Variants in LAMA1 observed in about 807,000 individuals in gnomAD.
The protein encoded by LAMA1 is laminin subunit alpha-1.
LAMA1 carries 219 observed loss-of-function variants against 348.7 expected under a neutral mutation model. That is an observed-to-expected ratio of 0.63 (90% confidence interval 0.56 to 0.70). The LOEUF (loss-of-function observed/expected upper bound fraction) is 0.70, where lower values mean the gene tolerates loss of function less well. Among genes scored for constraint, LAMA1 ranks in the 30% least tolerant of loss-of-function variants. The probability of loss-of-function intolerance (pLI) is 0.00; values close to 1 mark genes in which losing one functional copy is unlikely to be tolerated. For missense variants in LAMA1, 3,744 were observed against 3,888.0 expected (o/e 0.96, Z 0.99); for synonymous variants, 1,487 against 1,491.0 (o/e 1.00, Z 0.06).
At chr18:7,035,427 ATTT>A (rs35171103) in intron 13 of LAMA1, among the ~76,000 whole-genome samples, 2 of 148,070 alleles carry the variant, frequency 1.4e-5, no homozygotes, top group East Asian at 2.0e-4. Flanking sequence ...TTTACTTAAA[ATTT>A]TTTTTTTTTT....
chr18:7,025,549 T>C (rs1476495645), intron 17 of LAMA1, among the ~76,000 whole-genome samples: 1 of 151,008 alleles, frequency 6.6e-6, no homozygotes, highest in Non-Finnish European at 1.5e-5. Flanking sequence ...TCCATAAATA[T>C]CTGTTGAATC....
chr18:7,097,543 T>C (rs74760289), intron 1 of LAMA1, among the ~76,000 whole-genome samples: 2,471 of 148,258 alleles, frequency 0.017, 76 homozygotes, highest in African/African-American at 0.059. Context: ...GCTGATACAA[T>C]TGGAAATACA....
At chr18:7,040,816 A>G in intron 9 of LAMA1, among the ~76,000 whole-genome samples, 1 of 152,216 alleles carries the variant, frequency 6.6e-6, no homozygotes, top group South Asian at 2.1e-4. Context: ...TGGTAATAAA[A>G]AGGGTTGAAA....
chr18:7,021,672 T>C (rs1488544251), intron 19 of LAMA1, among the ~76,000 whole-genome samples: 1 of 151,464 alleles, frequency 6.6e-6, no homozygotes, highest in East Asian at 1.9e-4. Flanking sequence ...AGATAGAATG[T>C]ATTATTAAAA....
chr18:7,012,655 G>C (rs1034899502), intron 23 of LAMA1, among the ~76,000 whole-genome samples: 12 of 150,464 alleles, frequency 8.0e-5, no homozygotes, highest in African/African-American at 2.4e-4. Context: ...ACAGGCGCCT[G>C]CCACCATGCC....
At chr18:6,975,296 C>T (rs1324167929) in intron 45 of LAMA1, among the ~76,000 whole-genome samples, 1 of 152,144 alleles carries the variant, frequency 6.6e-6, no homozygotes, top group Non-Finnish European at 1.5e-5. Context: ...ACAGAGTCCC[C>T]AGGAAAATTC....
At chr18:7,031,653 C>T (rs1175635604) in intron 16 of LAMA1, among the ~76,000 whole-genome samples, 7 of 136,050 alleles carry the variant, frequency 5.1e-5, no homozygotes, top group African/African-American at 2.5e-4. Flanking sequence ...CACACTCCAG[C>T]CTGGGTGACA....
intron 57 of LAMA1, among the ~76,000 whole-genome samples, chr18:6,952,454 C>T (rs887015119): frequency 2.6e-5 from 4 of 151,972 alleles, no homozygotes; most frequent in Admixed American, 1.3e-4. Context: ...CATGTGTGTG[C>T]GGGGGAATGT....
chr18:6,976,701 G>C (rs934929994), intron 44 of LAMA1, among the ~76,000 whole-genome samples: 3 of 151,858 alleles, frequency 2.0e-5, no homozygotes, highest in African/African-American at 4.8e-5. Context: ...TGAACTCCTA[G>C]GCTTGAGCAA....
intron 1 of LAMA1, among the ~76,000 whole-genome samples, chr18:7,106,920 G>C (rs562555784): frequency 1.3e-5 from 2 of 152,106 alleles, no homozygotes; most frequent in African/African-American, 2.4e-5. Context: ...TGATGTAGAA[G>C]CTGACCCCGC....
intron 1 of LAMA1, among the ~76,000 whole-genome samples, chr18:7,104,075 G>A (rs1255686237): frequency 6.6e-6 from 1 of 152,054 alleles, no homozygotes; most frequent in Non-Finnish European, 1.5e-5. Context: ...CGCCTCCTAG[G>A]TTCAAGCAAT....
chr18:7,050,598 T>G (rs897156349), intron 4 of LAMA1, 96 bp downstream of exon 4: 1 of 1,556,584 alleles, frequency 6.4e-7, no homozygotes, highest in Non-Finnish European at 8.8e-7. Context: ...GATAGTTATA[T>G]TAAAGATCTT....
intron 19 of LAMA1, among the ~76,000 whole-genome samples, chr18:7,018,918 G>A (rs924314838): frequency 3.9e-5 from 6 of 152,210 alleles, no homozygotes; most frequent in East Asian, 3.9e-4. Context: ...CAGGCTGGCC[G>A]TCTGTTTTCC....
rs182135333 is a variant in LAMA1 at position 7,024,360 on chromosome 18, A to T, written c.2489+20T>A. 6.3e-7 allele frequency: 1 copy of T among 1,597,912 alleles called. No homozygotes were observed. Among genetic ancestry groups the T allele is most frequent in the African/African-American group, 1.3e-5 (1 of 74,674 alleles). On this transcript the variant is annotated intron_variant, in intron 18 of 62. Coordinates refer to ENST00000389658, the MANE Select transcript of LAMA1 (RefSeq NM_005559.4). Reference sequence around the variant, plus strand: ...ATATTTAATTTCGAAAATGTGTTGAAGCCAGTGGATGCAGAGTACCTCTCA... The same window carrying T: ...ATATTTAATTTCGAAAATGTGTTGATGCCAGTGGATGCAGAGTACCTCTCA...
At position 7,009,254 on chromosome 18, in the gene LAMA1, C is replaced by T. The variant is rs748965785; in HGVS notation, c.3986G>A (p.Gly1329Glu). Residue 1329 changes from glycine to glutamate, a missense_variant, in exon 27 of 63, where the codon GGA becomes GAA. Gly to Glu is a moderately conservative substitution (Grantham distance 98). Around this residue, in one of 3 missense-constraint regions of LAMA1, gnomAD observed 1,983 missense variants for 1,934.3 expected, o/e 1.03. Coordinates refer to ENST00000389658, the MANE Select transcript of LAMA1 (RefSeq NM_005559.4). ...CTCCAAGTACCTGCTCTGCTGTAAT[C>T]CTTGACCATACGATGCCTTGATGAG... ...YILIKASYGQ[G>E]LQQSRISDIS... 6.2e-7 allele frequency: 1 copy of T among 1,614,052 alleles called. No homozygotes were observed. Among genetic ancestry groups the T allele is most frequent in the Non-Finnish European group, 8.5e-7 (1 of 1,179,996 alleles).
chr18:7,048,294 T>A (rs1445410312), intron 5 of LAMA1, among the ~76,000 whole-genome samples: 1 of 152,172 alleles, frequency 6.6e-6, no homozygotes, highest in Non-Finnish European at 1.5e-5. Context: ...AAAATGCCAA[T>A]ACACGCACAC....
Position 7,035,974 on chromosome 18 carries a change from C to T in LAMA1, c.1839+13G>A, listed in dbSNP as rs143604947. 20,693 of 1,607,026 alleles carry T rather than the reference C, an allele frequency of 0.013. 475 individuals carry two copies. Among genetic ancestry groups the T allele is most frequent in the Middle Eastern group, 0.086 (523 of 6,054 alleles). On this transcript the variant is annotated intron_variant, in intron 13 of 62. Coordinates refer to ENST00000389658, the MANE Select transcript of LAMA1 (RefSeq NM_005559.4). ...CCTAAGCTCTATAGCAGAATCAAAG[C>T]AAAAACAATCACCTTAATGATGACG...
At chr18:7,008,449 T>C (rs1043718778) in intron 28 of LAMA1, 39 bp downstream of exon 28, 5 of 1,612,472 alleles carry the variant, frequency 3.1e-6, no homozygotes, top group Non-Finnish European at 4.2e-6. Context: ...ACATTTCAAC[T>C]CAAACCCAGG....
intron 3 of LAMA1, among the ~76,000 whole-genome samples, chr18:7,068,725 C>T (rs7234998): frequency 0.48 from 72,355 of 151,376 alleles, 18,469 homozygotes; most frequent in East Asian, 0.71. Flanking sequence ...GTTTTAAAAA[C>T]GTTGTTACAG....
Sources: gnomAD v4.1 joint callset for allele counts (sites outside exome capture counted in the v4.1 genomes callset) on GRCh38, gnomAD v4.1.1 for gene constraint, gnomAD v4.1.1 regional missense constraint, MANE v1.5 for transcripts, NCBI Gene and HGNC (gene_info 2026-07-23, HGNC 2026-07-21) for gene names.